OR4D2: variants seen among roughly 807,000 people sequenced by gnomAD.
OR4D2 encodes the protein olfactory receptor 4D2.
OR4D2 carries 9 observed loss-of-function variants against 12.4 expected under a neutral mutation model. That is an observed-to-expected ratio of 0.73 (90% CI 0.44 to 1.27). The LOEUF (loss-of-function observed/expected upper bound fraction) is 1.27, where lower values mean the gene tolerates loss of function less well. Among genes scored for constraint, OR4D2 ranks in the 50% most tolerant of loss-of-function variants. The pLI, the probability that OR4D2 is intolerant of heterozygous loss-of-function variation, is 0.00. For missense variants in OR4D2, 373 were observed against 381.6 expected, an observed-to-expected ratio of 0.98 and a Z score of 0.19; for synonymous variants, 151 against 151.1, an observed-to-expected ratio of 1.00 and a Z score of 0.01.
At position 58,170,046 on chromosome 17, in the gene OR4D2, C is replaced by G; in HGVS notation, c.391C>G (p.Arg131Gly). ...CCTCATTGCCATCTCCCGGCCCCTCCGCTATGTCACCGTCATGAACACTCA... is the reference window on the plus strand; with the variant it reads ...CCTCATTGCCATCTCCCGGCCCCTCGGCTATGTCACCGTCATGAACACTCA... Reference protein sequence around the residue: ...DRLIAISRPLRYVTVMNTQLW... With the variant: ...DRLIAISRPLGYVTVMNTQLW... The change falls in exon 2 of 2, where the codon CGC becomes GGC. Residue 131 changes from arginine to glycine, a missense_variant. Transcript: ENST00000545221. 1 of 1,614,092 alleles carries G rather than the reference C, an allele frequency of 6.2e-7. No individual in the cohort carries two copies. The highest frequency in any genetic ancestry group is 2.2e-5 in the East Asian group (1 of 44,872).
intron 1 of OR4D2, 37 bp from the exon 2 acceptor site, chr17:58,169,601 A>T (rs1006380892): frequency 7.0e-7 from 1 of 1,422,364 alleles, no homozygotes; most frequent in Non-Finnish European, 9.9e-7. Context: ...GAAAGTAGTG[A>T]CTTCATGTAT....
At chr17:58,169,495 C>A in intron 1 of OR4D2, 143 bp from the exon 2 acceptor site, 1 of 655,282 alleles carries the variant, frequency 1.5e-6, no homozygotes, top group Non-Finnish European at 2.7e-6. Flanking sequence ...GTAAACGATC[C>A]AGAGACAAGA....
Position 58,170,419 on chromosome 17 carries a change from T to C in OR4D2, c.764T>C (p.Ile255Thr), listed in dbSNP as rs762960113. ...GTTTCCATGATCTTCGTTCCAAGCA[T>C]TTACCTCTATGCCCGGCCCTTCACT... ...IVVSMIFVPS[I>T]YLYARPFTPF... is the part of the protein sequence containing the mutation. Residue 255 changes from isoleucine (I) to threonine (T), a missense_variant, in exon 2 of 2, where the codon ATT (isoleucine) becomes ACT (threonine). Ile to Thr is a moderately conservative substitution (Grantham distance 89). Transcript: ENST00000545221. 4 of 1,614,222 alleles carry C rather than the reference T, an allele frequency of 2.5e-6. No homozygotes were observed. Among genetic ancestry groups the C allele is most frequent in the Non-Finnish European group, 3.4e-6 (4 of 1,180,042 alleles).
intron 1 of OR4D2, among the ~76,000 whole-genome samples, chr17:58,167,881 T>A (rs558341761): frequency 2.0e-5 from 3 of 150,536 alleles, no homozygotes; most frequent in Non-Finnish European, 2.9e-5. Flanking sequence ...TGGGCGCCTG[T>A]AGTTCCAGCT....
rs752849830 is a variant in OR4D2 at position 58,169,899 on chromosome 17, C to G, written c.244C>G (p.Leu82Val). 6.2e-7 allele frequency: 1 copy of G among 1,614,132 alleles called. No homozygotes were observed. The highest frequency in any genetic ancestry group is 2.2e-5 in the East Asian group (1 of 44,882). ...CFSSVTAPKM[L>V]VDLLSEKKTI... is the part of the protein sequence containing the mutation. ...CTCTTCAGTCACTGCTCCCAAAATG[C>G]TAGTGGACCTCCTCTCTGAGAAGAA... Residue 82 changes from leucine to valine, a missense_variant, in exon 2 of 2, where the codon CTA becomes GTA. Physicochemically the swap from Leu to Val is conservative, Grantham distance 32. Transcript: ENST00000545221.
rs1967939082 is a variant in OR4D2 at position 58,169,931 on chromosome 17, C to T, written c.276C>T (p.Ile92=). ...ACCTCCTCTCTGAGAAGAAAACCAT[C>T]TCTTACCAGGGCTGCATGGGTCAGA... ...LVDLLSEKKT[I]SYQGCMGQIF... The change falls in exon 2 of 2, where the codon ATC becomes ATT. Residue 92 remains isoleucine (I), a synonymous_variant. Transcript: ENST00000545221. 1 of 1,614,188 alleles carries T rather than the reference C, an allele frequency of 6.2e-7. No individual in the cohort carries two copies. Among genetic ancestry groups the T allele is most frequent in the Non-Finnish European group, 8.5e-7 (1 of 1,180,026 alleles).
In OR4D2 at chr17:58,170,497, T is replaced by C. The variant is rs1381361338; in HGVS notation, c.842T>C (p.Met281Thr). The C allele has an allele frequency of 1.9e-6, 3 of 1,614,126 alleles. No individual in the cohort carries two copies. The highest frequency in any genetic ancestry group is 2.5e-6 in the Non-Finnish European group (3 of 1,180,002). ...VSIGHTVMTP[M>T]LNPMIYTLRN... ...ATCGGCCACACAGTCATGACCCCCA[T>C]GCTCAACCCCATGATCTATACCCTG... is the stretch of plus-strand genomic sequence containing the variant. Residue 281 changes from methionine to threonine, a missense_variant, in exon 2 of 2, where the codon ATG (methionine) becomes ACG (threonine). By Grantham distance (81) the Met-to-Thr change is moderately conservative (BLOSUM62 -1). Transcript: ENST00000545221.
At chr17:58,169,528 C>A in intron 1 of OR4D2, 110 bp from the exon 2 acceptor site, 1 of 741,278 alleles carries the variant, frequency 1.3e-6, no homozygotes, top group Non-Finnish European at 2.4e-6. Context: ...TAATGGTCTA[C>A]ACATAAGGAT....
At chr17:58,169,590 G>A (rs1352058049) in intron 1 of OR4D2, 48 bp from the exon 2 acceptor site, 4 of 1,346,184 alleles carry the variant, frequency 3.0e-6, no homozygotes, top group South Asian at 1.2e-5. Flanking sequence ...GCCCTGAAAG[G>A]GAAAGTAGTG....
chr17:58,167,288 G>A (rs1967902028), intron 1 of OR4D2, among the ~76,000 whole-genome samples: 2 of 152,190 alleles, frequency 1.3e-5, no homozygotes, highest in African/African-American at 4.8e-5. Context: ...GAGAAATAAG[G>A]AATTAATTCT....
At chr17:58,167,789 C>G (rs1364719129) in intron 1 of OR4D2, among the ~76,000 whole-genome samples, 1 of 151,210 alleles carries the variant, frequency 6.6e-6, no homozygotes, top group Non-Finnish European at 1.5e-5. Flanking sequence ...CGGAAGCGGG[C>G]GGATCACGAG....
chr17:58,168,104 A>G (rs758961162), intron 1 of OR4D2, among the ~76,000 whole-genome samples: 16 of 150,410 alleles, frequency 1.1e-4, no homozygotes, highest in Non-Finnish European at 8.9e-5. Flanking sequence ...ATAGATTGCA[A>G]TAGGCCAGGT....
At position 58,170,011 on chromosome 17, in the gene OR4D2, C is replaced by A. The variant is rs540409701; in HGVS notation, c.356C>A (p.Ala119Asp). Reference protein sequence around the residue: ...GAMVFFLSVMAFDRLIAISRP... With the variant: ...GAMVFFLSVMDFDRLIAISRP... ...ATGGTCTTCTTCCTCTCAGTGATGG[C>A]CTTTGACCGCCTCATTGCCATCTCC... Residue 119 changes from alanine to aspartate, a missense_variant, in exon 2 of 2, where the codon GCC becomes GAC. Ala to Asp is a moderately radical substitution (Grantham distance 126, BLOSUM62 -2). Transcript: ENST00000545221. 6.2e-7 allele frequency: 1 copy of A among 1,614,094 alleles called. No homozygotes were observed. The highest frequency in any genetic ancestry group is 1.3e-5 in the African/African-American group (1 of 75,034).
chr17:58,169,870 G>T lies in OR4D2; in HGVS notation c.215G>T (p.Cys72Phe). 1 of 1,614,110 alleles carries T rather than the reference G, an allele frequency of 6.2e-7. No individual in the cohort carries two copies. The highest frequency in any genetic ancestry group is 8.5e-7 in the Non-Finnish European group (1 of 1,180,014). ...CGAAACCTGGCTGTCCTAGACCTCT[G>T]TTTCTCTTCAGTCACTGCTCCCAAA... ...LLRNLAVLDLCFSSVTAPKML... is the reference protein window; with the variant it reads ...LLRNLAVLDLFFSSVTAPKML... The change falls in exon 2 of 2, where the codon TGT becomes TTT. Residue 72 changes from cysteine to phenylalanine, a missense_variant. Physicochemically the swap from Cys to Phe is radical, Grantham distance 205. Transcript: ENST00000545221.
chr17:58,169,660 A>G lies in OR4D2; in HGVS notation c.5A>G (p.Glu2Gly). 6.2e-7 allele frequency: 1 copy of G among 1,613,352 alleles called. No homozygotes were observed. The highest frequency in any genetic ancestry group is 8.5e-7 in the Non-Finnish European group (1 of 1,179,306). Residue 2 changes from glutamate (E) to glycine (G), a missense_variant, in exon 2 of 2, where the codon GAA becomes GGA. Coordinates refer to ENST00000545221, the MANE Select transcript of OR4D2 (RefSeq NM_001004707.4). M[E>G]TGNLTWVSDF... ...CAGGTGTATGGAGAAAACACCATGG[A>G]AACAGGGAACCTCACGTGGGTATCA... is the stretch of plus-strand genomic sequence containing the variant.
In OR4D2 at chr17:58,168,516, T is replaced by G. The variant is rs189104181; in HGVS notation, c.-18-1122T>G. On this transcript the variant is annotated intron_variant, in intron 1 of 1. Transcript: ENST00000545221. ...AGCCACCTCTCCCGGCTCCTCCATC[T>G]TCTTCTGTCCCTTTAGTCCCGTTTT... Among the ~76,000 whole-genome samples, 959 of 152,286 alleles carry G rather than the reference T, an allele frequency of 6.3e-3. 8 individuals carry two copies. The highest frequency in any genetic ancestry group is 0.011 in the South Asian group (52 of 4,818).
Position 58,170,681 on chromosome 17 carries a change from C to A in OR4D2, c.*102C>A, listed in dbSNP as rs1428393656. ...CTCTTCATAGTGTGTTGAGGTTCAT[C>A]ATAGCAGGGAATGAATTTTGAAACT... On this transcript the variant is annotated 3_prime_UTR_variant, in exon 2 of 2. Coordinates refer to ENST00000545221, the MANE Select transcript of OR4D2 (RefSeq NM_001004707.4). The A allele has an allele frequency of 2.3e-6, 2 of 883,616 alleles. No individual in the cohort carries two copies. The highest frequency in any genetic ancestry group is 3.7e-6 in the Non-Finnish European group (2 of 544,430). 54.7% of individuals were successfully genotyped at this position (883,616 alleles called of 1,614,324 possible).
In OR4D2 at chr17:58,170,153, G is replaced by T. The variant is rs1232271292; in HGVS notation, c.498G>T (p.Leu166=). ...TCCAGCTGGCTCTGATGCTCCCACT[G>T]CCCTTCTGTGGCCCCAACATTTTGG... is the stretch of plus-strand genomic sequence containing the variant. ...SIVQLALMLP[L]PFCGPNILDN... The change falls in exon 2 of 2, where the codon CTG becomes CTT. Residue 166 remains leucine, a synonymous_variant. Coordinates refer to ENST00000545221, the MANE Select transcript of OR4D2 (RefSeq NM_001004707.4). The T allele has an allele frequency of 6.2e-7, 1 of 1,613,994 alleles. No individual in the cohort carries two copies. Among genetic ancestry groups the T allele is most frequent in the African/African-American group, 1.3e-5 (1 of 74,916 alleles).
At chr17:58,168,094 A>C (rs1967912392) in intron 1 of OR4D2, among the ~76,000 whole-genome samples, 1 of 150,864 alleles carries the variant, frequency 6.6e-6, no homozygotes, top group Admixed American at 6.6e-5. Context: ...ATTGTAGATA[A>C]TAGATTGCAA....
Sources: gnomAD v4.1 joint callset for allele counts (sites outside exome capture counted in the v4.1 genomes callset) on GRCh38, gnomAD v4.1.1 for gene constraint, MANE v1.5 for transcripts, NCBI Gene and HGNC (gene_info 2026-07-23, HGNC 2026-07-21) for gene names.